The following ANKRD6 variants were observed in gnomAD, a reference collection of about 807,000 sequenced individuals.
The protein encoded by ANKRD6 is ankyrin repeat domain 6.
Under a neutral mutation model 82.3 loss-of-function variants are expected in ANKRD6, and 56 were observed. The observed-to-expected ratio is 0.68, with a 90% confidence interval of 0.55 to 0.85. The LOEUF is 0.85. ANKRD6 is among the 40% of genes least tolerant of loss of function. ANKRD6 has a pLI of 0.00. For missense variants in ANKRD6, 852 were observed against 907.6 expected, an observed-to-expected ratio of 0.94 and a Z score of 0.79; for synonymous variants, 347 against 352.1, an observed-to-expected ratio of 0.99 and a Z score of 0.16.
chr6:89,612,274 G>A lies in ANKRD6; in HGVS notation c.420G>A (p.Ala140=), dbSNP rs781476025. Residue 140 remains alanine (A), a splice_region_variant and synonymous_variant, in exon 6 of 16, where the codon GCG becomes GCA. Transcript: ENST00000339746. ...CCCTCTCTCTGCCTCTCTCCAAGGC[G>A]GGGAACACAGCTCTGCACCTGGCCT... ...AGANVLAKNK[A]GNTALHLACQ... 9.0e-6 allele frequency: 14 copies of A among 1,556,724 alleles called. No homozygotes were observed. The Admixed American group carries it at 9.7e-5, about 11-fold the overall frequency.
intron 1 of ANKRD6, among the ~76,000 whole-genome samples, chr6:89,500,701 A>C (rs143252492): frequency 6.6e-6 from 1 of 152,290 alleles, no homozygotes; most frequent in East Asian, 1.9e-4. Context: ...ATGGGAAAGC[A>C]CTTTGGAAAT....
chr6:89,552,688 A>T (rs755262667), intron 1 of ANKRD6, among the ~76,000 whole-genome samples: 6 of 152,164 alleles, frequency 3.9e-5, no homozygotes, highest in Non-Finnish European at 8.8e-5. Context: ...CGTGCTTATC[A>T]TCTACTCCCT....
chr6:89,603,175 T>A, intron 4 of ANKRD6, 48 bp downstream of exon 4: 2 of 1,546,398 alleles, frequency 1.3e-6, no homozygotes, highest in Non-Finnish European at 1.8e-6. Flanking sequence ...GGGAAGCCAG[T>A]GGCTCAGGGG....
intron 9 of ANKRD6, chr6:89,619,579 A>G (rs1257623846): frequency 6.6e-6 from 1 of 152,202 alleles, no homozygotes; most frequent in East Asian, 1.9e-4. Context: ...ACAAAAAAAG[A>G]CTTAAGCAGG....
intron 1 of ANKRD6, among the ~76,000 whole-genome samples, chr6:89,478,779 A>G (rs1286728538): frequency 2.0e-5 from 3 of 151,876 alleles, no homozygotes; most frequent in Non-Finnish European, 4.4e-5. Context: ...AAAGAGGAAA[A>G]ATACTTAATT....
chr6:89,593,178 G>A (rs1193569510), intron 2 of ANKRD6, among the ~76,000 whole-genome samples: 1 of 152,124 alleles, frequency 6.6e-6, no homozygotes, highest in Non-Finnish European at 1.5e-5. Context: ...AAGCACTTGT[G>A]TCCCACCATG....
At chr6:89,538,550 C>T (rs1012163525) in intron 1 of ANKRD6, among the ~76,000 whole-genome samples, 1 of 152,248 alleles carries the variant, frequency 6.6e-6, no homozygotes, top group South Asian at 2.1e-4. Context: ...TCAAGAATAT[C>T]TTACTATGAA....
chr6:89,524,684 A>G (rs1052729472), intron 1 of ANKRD6, among the ~76,000 whole-genome samples: 1 of 152,182 alleles, frequency 6.6e-6, no homozygotes, highest in Non-Finnish European at 1.5e-5. Context: ...GTGGGGCTAT[A>G]AACATGCATA....
At chr6:89,460,083 G>A (rs1370355332) in intron 1 of ANKRD6, among the ~76,000 whole-genome samples, 1 of 148,186 alleles carries the variant, frequency 6.7e-6, no homozygotes, top group Non-Finnish European at 1.5e-5. Context: ...GCCCTATTGG[G>A]GCTCTTCCTC....
At chr6:89,547,452 G>T (rs918727187) in intron 1 of ANKRD6, among the ~76,000 whole-genome samples, 1 of 152,178 alleles carries the variant, frequency 6.6e-6, no homozygotes, top group African/African-American at 2.4e-5. Flanking sequence ...AAGCCATCAG[G>T]TGTGGTGTCT....
chr6:89,471,399 A>G (rs1775449640), intron 1 of ANKRD6, among the ~76,000 whole-genome samples: 2 of 151,440 alleles, frequency 1.3e-5, no homozygotes, highest in East Asian at 3.9e-4. Context: ...CTAGGCAGGA[A>G]GTTAATTGCT....
At chr6:89,574,303 T>A (rs991549775) in intron 2 of ANKRD6, among the ~76,000 whole-genome samples, 2 of 134,874 alleles carry the variant, frequency 1.5e-5, no homozygotes, top group Non-Finnish European at 3.3e-5. Flanking sequence ...CTTCCTTTCC[T>A]TGGATTTTGA....
chr6:89,587,214 G>A (rs1793927954), intron 2 of ANKRD6, among the ~76,000 whole-genome samples: 1 of 151,274 alleles, frequency 6.6e-6, no homozygotes, highest in Admixed American at 6.6e-5. Flanking sequence ...AAAAAGGCTG[G>A]GTGCAGTGCC....
intron 2 of ANKRD6, among the ~76,000 whole-genome samples, chr6:89,569,110 C>T (rs1412680597): frequency 6.6e-6 from 1 of 151,880 alleles, no homozygotes. Flanking sequence ...GATAGGGTTT[C>T]ACCGTGTTGG....
chr6:89,616,878 C>T, intron 8 of ANKRD6: 1 of 664,950 alleles, frequency 1.5e-6, no homozygotes, highest in Non-Finnish European at 2.8e-6. Flanking sequence ...TTTTAGCTGC[C>T]TGACTGCAGT....
chr6:89,583,336 C>T (rs777953728), intron 2 of ANKRD6, among the ~76,000 whole-genome samples: 2 of 152,186 alleles, frequency 1.3e-5, no homozygotes, highest in African/African-American at 4.8e-5. Flanking sequence ...AAATAAATGT[C>T]TCAAATATGG....
chr6:89,554,561 G>T (rs971029183), intron 1 of ANKRD6, among the ~76,000 whole-genome samples: 15 of 152,060 alleles, frequency 9.9e-5, no homozygotes, highest in Non-Finnish European at 1.6e-4. Context: ...CTGGAAACAT[G>T]AAAAAGTAAG....
intron 2 of ANKRD6, among the ~76,000 whole-genome samples, chr6:89,574,359 A>G (rs1391933943): frequency 6.6e-6 from 1 of 152,226 alleles, no homozygotes. Context: ...CCTGAGGAAC[A>G]AAATCATCCC....
intron 1 of ANKRD6, among the ~76,000 whole-genome samples, chr6:89,456,413 G>C (rs1208926545): frequency 6.6e-6 from 1 of 152,200 alleles, no homozygotes; most frequent in Non-Finnish European, 1.5e-5. Flanking sequence ...CCAAACCCAA[G>C]GTGCTGGTGG....
Sources: allele counts gnomAD v4.1 joint callset (sites outside exome capture counted in the v4.1 genomes callset), GRCh38; gene constraint gnomAD v4.1.1; transcripts MANE v1.5; gene names NCBI Gene and HGNC (gene_info 2026-07-23, HGNC 2026-07-21).